Variants in LOC400499 observed in about 807,000 individuals in gnomAD.
the LOC400499 span, among the ~76,000 whole-genome samples, chr16:11,436,094 C>A: frequency 6.6e-6 from 1 of 152,182 alleles, no homozygotes; most frequent in African/African-American, 2.4e-5. Flanking sequence ...GGGGTACAGT[C>A]CCATCTTGTC....
the LOC400499 span, among the ~76,000 whole-genome samples, chr16:11,504,085 C>G: frequency 6.6e-6 from 1 of 152,222 alleles, no homozygotes; most frequent in African/African-American, 2.4e-5. Context: ...GGGCAAGCCT[C>G]TGGCCACAAG....
the LOC400499 span, among the ~76,000 whole-genome samples, chr16:11,461,949 G>A: frequency 2.0e-5 from 3 of 152,216 alleles, no homozygotes; most frequent in African/African-American, 7.2e-5. Context: ...GGGTGCAGTT[G>A]GAGGTTGGGG....
the LOC400499 span, among the ~76,000 whole-genome samples, chr16:11,432,775 G>A: frequency 1.3e-5 from 2 of 152,186 alleles, no homozygotes; most frequent in East Asian, 3.9e-4. Flanking sequence ...GCTGTGGACT[G>A]TGTGTGTGCA....
chr16:11,511,603 T>C, the LOC400499 span, among the ~76,000 whole-genome samples: 1 of 152,212 alleles, frequency 6.6e-6, no homozygotes, highest in Non-Finnish European at 1.5e-5. Flanking sequence ...GGGCACACTT[T>C]ATGACCCCAT....
At chr16:11,496,842 G>A in the LOC400499 span, among the ~76,000 whole-genome samples, 1 of 151,902 alleles carries the variant, frequency 6.6e-6, no homozygotes, top group Non-Finnish European at 1.5e-5. Context: ...ACACTGGGGT[G>A]TATATCTGCA....
At chr16:11,467,644 C>G in the LOC400499 span, among the ~76,000 whole-genome samples, 1 of 152,042 alleles carries the variant, frequency 6.6e-6, no homozygotes, top group South Asian at 2.1e-4. Flanking sequence ...AAAACAAAAC[C>G]TAAACATGAC....
chr16:11,484,094 G>A, the LOC400499 span, among the ~76,000 whole-genome samples: 4 of 125,320 alleles, frequency 3.2e-5, no homozygotes, highest in African/African-American at 9.1e-5. Flanking sequence ...TGCAAGCTCC[G>A]CCTCCCGAGT....
the LOC400499 span, chr16:11,471,409 C>A: frequency 5.5e-6 from 2 of 365,194 alleles, no homozygotes. Context: ...CTGGGGTAAC[C>A]AAGGCAGGCT....
At chr16:11,508,768 G>C in the LOC400499 span, 1 of 399,120 alleles carries the variant, frequency 2.5e-6, no homozygotes, top group Non-Finnish European at 4.4e-6. Context: ...TGTGGCTGCG[G>C]TGGCCACCAT....
the LOC400499 span, among the ~76,000 whole-genome samples, chr16:11,504,553 C>A: frequency 5.2e-5 from 7 of 134,754 alleles, no homozygotes; most frequent in Admixed American, 2.2e-4. Flanking sequence ...GAGACTCCGT[C>A]CCCCCCCCCA....
the LOC400499 span, among the ~76,000 whole-genome samples, chr16:11,430,272 G>C: frequency 2.6e-5 from 4 of 152,088 alleles, no homozygotes; most frequent in Non-Finnish European, 5.9e-5. Flanking sequence ...GATCACTTGA[G>C]GCCAGGAGTT....
At chr16:11,446,911 C>G in the LOC400499 span, 1 of 1,533,480 alleles carries the variant, frequency 6.5e-7, no homozygotes, top group Non-Finnish European at 8.7e-7. Context: ...CAACGGGTGC[C>G]TGGTGTGCAG....
At chr16:11,450,585 T>A in the LOC400499 span, 4 of 1,533,878 alleles carry the variant, frequency 2.6e-6, no homozygotes, top group Admixed American at 7.9e-5. Context: ...ACCAGACATA[T>A]ATCGGGGGCC....
chr16:11,387,759 G>A, the LOC400499 span, among the ~76,000 whole-genome samples: 3 of 151,928 alleles, frequency 2.0e-5, no homozygotes, highest in South Asian at 4.2e-4. Context: ...AAGTAGCTGG[G>A]ACTACCAGCG....
At chr16:11,388,932 C>A in the LOC400499 span, among the ~76,000 whole-genome samples, 1 of 152,038 alleles carries the variant, frequency 6.6e-6, no homozygotes, top group African/African-American at 2.4e-5. Context: ...ACTAAAAATA[C>A]AAAAATTCGC....
chr16:11,372,726 A>G, the LOC400499 span: 9 of 983,502 alleles, frequency 9.2e-6, no homozygotes, highest in African/African-American at 1.7e-5. Context: ...GCTGGCATAG[A>G]CAAAATCTCA....
At chr16:11,415,751 G>A in the LOC400499 span, among the ~76,000 whole-genome samples, 6 of 152,094 alleles carry the variant, frequency 3.9e-5, no homozygotes, top group African/African-American at 9.7e-5. Flanking sequence ...TTGGCTGGGG[G>A]CGGCCATACC....
At chr16:11,485,655 G>T in the LOC400499 span, among the ~76,000 whole-genome samples, 1 of 151,660 alleles carries the variant, frequency 6.6e-6, no homozygotes, top group Middle Eastern at 3.2e-3. Flanking sequence ...TCTTTCCTTT[G>T]TTCTATCCAT....
At chr16:11,423,110 C>G in the LOC400499 span, 1 of 399,190 alleles carries the variant, frequency 2.5e-6, no homozygotes, top group South Asian at 1.3e-4. Flanking sequence ...TGTGATCAGG[C>G]TGTGCCAGCC....
Sources: allele counts gnomAD v4.1 joint callset (sites outside exome capture counted in the v4.1 genomes callset), GRCh38; gene constraint gnomAD v4.1.1; transcripts MANE v1.5.